TRIM59: variants seen among roughly 807,000 people sequenced by gnomAD.
The protein encoded by TRIM59 is tripartite motif-containing protein 59.
A neutral mutation model predicts 32.2 loss-of-function variants in TRIM59; 14 were observed. The ratio of observed to expected loss-of-function variants is 0.43; its 90% CI spans 0.29 to 0.68. The LOEUF (loss-of-function observed/expected upper bound fraction) is 0.68, where lower values mean the gene tolerates loss of function less well. Among genes scored for constraint, TRIM59 ranks in the 30% least tolerant of loss-of-function variants. The probability of loss-of-function intolerance (pLI) is 0.15; values close to 1 mark genes in which losing one functional copy is unlikely to be tolerated. For synonymous variants in TRIM59, 163 were observed against 155.1 expected (o/e 1.05, Z -0.38); for missense variants, 471 against 463.3 (o/e 1.02, Z -0.15).
At position 160,449,612 on chromosome 3, in the gene TRIM59, C is replaced by T. The variant is rs1212997414; in HGVS notation, c.-74+105G>A. ...AGCCACTCCCTCCATCGTCGCGCCC[C>T]CAGGACTCCCCGCCCAACACACTAG... is the stretch of plus-strand genomic sequence containing the variant. On this transcript the variant is annotated intron_variant, in intron 1 of 2. Coordinates refer to ENST00000309784, the MANE Select transcript of TRIM59 (RefSeq NM_173084.3). 3 of 1,289,692 alleles carry T rather than the reference C, an allele frequency of 2.3e-6. No homozygotes were observed. The East Asian group carries it at 1.7e-4, about 72-fold the overall frequency. 79.9% of individuals were successfully genotyped at this position (1,289,692 alleles called of 1,614,324 possible).
At chr3:160,443,978 TGAAACATA>T (rs1460089143) in intron 2 of TRIM59, among the ~76,000 whole-genome samples, 1 of 151,998 alleles carries the variant, frequency 6.6e-6, no homozygotes, top group Non-Finnish European at 1.5e-5. Context: ...TTCATGTATA[TGAAACATA>T]TTGAGAGGTA....
At position 160,438,701 on chromosome 3, in the gene TRIM59, G is replaced by T. The variant is rs1464620643; in HGVS notation, c.483C>A (p.Thr161=). 6.2e-7 allele frequency: 1 copy of T among 1,613,740 alleles called. No homozygotes were observed. The highest frequency in any genetic ancestry group is 8.5e-7 in the Non-Finnish European group (1 of 1,179,934). Reference sequence around the variant, plus strand: ...GTTCTTTCAGCTTTTCAATAAGATGGGTAAGATCTGTCCAGTGTGTGTCAG... The same window carrying T: ...GTTCTTTCAGCTTTTCAATAAGATGTGTAAGATCTGTCCAGTGTGTGTCAG... ...QLTDTHWTDL[T]HLIEKLKEQK... Residue 161 remains threonine (T), a synonymous_variant, in exon 3 of 3, where the codon ACC becomes ACA. Transcript: ENST00000309784.
rs144500230 is a variant in TRIM59 at position 160,439,033 on chromosome 3, G to A, written c.151C>T (p.Arg51Ter). ...SGNFYIWRPL[R>*]IPLKCPNCRS... Reference sequence around the variant, plus strand: ...CAATTAGGGCACTTGAGTGGAATTCGTAAAGGTCTCCATATATAAAAGTTA... The same window carrying A: ...CAATTAGGGCACTTGAGTGGAATTCATAAAGGTCTCCATATATAAAAGTTA... Residue 51 changes from arginine (R) to a stop codon, truncating the protein, a stop_gained, in exon 3 of 3, where the codon CGA becomes TGA. Transcript: ENST00000309784. LOFTEE classifies it high-confidence loss of function. 35 of 1,607,042 alleles carry A rather than the reference G, an allele frequency of 2.2e-5. No homozygotes were observed. In the African/African-American group the frequency reaches 2.3e-4, roughly 10 times the overall value.
Position 160,437,243 on chromosome 3 carries a change from G to T in TRIM59, c.*729C>A. On this transcript the variant is annotated 3_prime_UTR_variant, in exon 3 of 3. Transcript: ENST00000309784. ...TGGGGGTGTGTGCCTTGTCCCAGCT[G>T]CTCCAGAGGCAGAGGCGGGAGGATC... The T allele has an allele frequency of 1.7e-6, 1 of 585,066 alleles. No individual in the cohort carries two copies. Among genetic ancestry groups the T allele is most frequent in the Non-Finnish European group, 2.2e-6 (1 of 464,840 alleles). 36.2% of individuals were successfully genotyped at this position (585,066 alleles called of 1,614,324 possible).
At chr3:160,445,773 C>CAAA (rs75175042) in intron 2 of TRIM59, among the ~76,000 whole-genome samples, 4 of 90,894 alleles carry the variant, frequency 4.4e-5, no homozygotes, top group African/African-American at 8.4e-5. Flanking sequence ...GACTCTGTCT[C>CAAA]AAAAAAAAAA....
intron 2 of TRIM59, chr3:160,447,927 A>AT (rs1326053004): frequency 6.6e-6 from 1 of 152,186 alleles, no homozygotes; most frequent in African/African-American, 2.4e-5. Context: ...CATATATAAG[A>AT]TTTTTTTAAC....
intron 2 of TRIM59, among the ~76,000 whole-genome samples, chr3:160,441,084 T>A (rs944062018): frequency 1.3e-5 from 2 of 152,248 alleles, no homozygotes; most frequent in African/African-American, 4.8e-5. Context: ...GTCAAACTCT[T>A]AACTCTTCCT....
At chr3:160,441,864 AG>A (rs1719271834) in intron 2 of TRIM59, among the ~76,000 whole-genome samples, 1 of 152,220 alleles carries the variant, frequency 6.6e-6, no homozygotes, top group Non-Finnish European at 1.5e-5. Flanking sequence ...CTTGAACTGT[AG>A]AGCATTCCAG....
rs940858311 is a variant in TRIM59, at chr3:160,437,826, C to G, written c.*146G>C. 2.3e-6 allele frequency: 3 copies of G among 1,280,612 alleles called. No individual in the cohort carries two copies. Among genetic ancestry groups the G allele is most frequent in the Non-Finnish European group, 3.0e-6 (3 of 1,016,004 alleles). 79.3% of individuals were successfully genotyped at this position (1,280,612 alleles called of 1,614,324 possible). A position where few individuals can be genotyped will look rare whatever the true frequency, so the allele number is the denominator to read the frequency against. On this transcript the variant is annotated 3_prime_UTR_variant, in exon 3 of 3. Transcript: ENST00000309784. ...CAGATATAACTTTGACATATCATTG[C>G]TAACCAAAAGAAGCAACAAATATAA...
chr3:160,441,444 G>A (rs944015469), intron 2 of TRIM59, among the ~76,000 whole-genome samples: 6 of 151,926 alleles, frequency 3.9e-5, no homozygotes, highest in African/African-American at 9.7e-5. Context: ...GGTGTAAAAC[G>A]AAAATCTATC....
rs763862654 is a variant in TRIM59, at chr3:160,437,793, G to C, written c.*179C>G. On this transcript the variant is annotated 3_prime_UTR_variant, in exon 3 of 3. Transcript: ENST00000309784. ...ACTAGATTCTGTTTCCCAAAGATTT[G>C]ACTATTTCAGATATAACTTTGACAT... 1.1e-4 allele frequency: 138 copies of C among 1,249,014 alleles called. No homozygotes were observed. Among genetic ancestry groups the C allele is most frequent in the Non-Finnish European group, 1.2e-4 (121 of 998,436 alleles). The allele number at this position is 1,249,014 out of a possible 1,614,324, so 77.4% of individuals were successfully genotyped here. A position where few individuals can be genotyped will look rare whatever the true frequency, so the allele number is the denominator to read the frequency against.
In TRIM59 at chr3:160,437,197, A is replaced by AT. The variant is rs994958460; in HGVS notation, c.*774dup. ...CAAAACCTCGTTTCTACAAAAAACA[A>AT]TTTTTTTAATTAGCCAGGCATGGGG... On this transcript the variant is annotated 3_prime_UTR_variant, in exon 3 of 3. Transcript: ENST00000309784. 9.9e-6 allele frequency: 6 copies of AT among 609,030 alleles called. No individual in the cohort carries two copies. The highest frequency in any genetic ancestry group is 7.3e-5 in the South Asian group (1 of 13,696). The allele number at this position is 609,030 out of a possible 1,614,324, so 37.7% of individuals were successfully genotyped here.
At chr3:160,448,637 A>G in intron 2 of TRIM59, 89 bp downstream of exon 2, 1 of 750,152 alleles carries the variant, frequency 1.3e-6, no homozygotes, top group South Asian at 1.5e-5. Flanking sequence ...TTTTCAAAAG[A>G]CTTCTAAATT....
chr3:160,449,575 G>C, intron 1 of TRIM59, 142 bp downstream of exon 1: 1 of 1,288,760 alleles, frequency 7.8e-7, no homozygotes, highest in Non-Finnish European at 1.0e-6. Flanking sequence ...GAGGGAATGA[G>C]TGCAGGTCCC....
intron 2 of TRIM59, among the ~76,000 whole-genome samples, chr3:160,446,301 T>G (rs1719526513): frequency 6.6e-6 from 1 of 152,154 alleles, no homozygotes; most frequent in Non-Finnish European, 1.5e-5. Context: ...GAAGACAGTA[T>G]AACATGATTC....
Position 160,437,181 on chromosome 3 carries a change from G to A in TRIM59, c.*791C>T, listed in dbSNP as rs1005123488. On this transcript the variant is annotated 3_prime_UTR_variant, in exon 3 of 3. Coordinates refer to ENST00000309784, the MANE Select transcript of TRIM59 (RefSeq NM_173084.3). ...AACCTGGGCAATATGGCAAAACCTC[G>A]TTTCTACAAAAAACAATTTTTTTAA... The A allele has an allele frequency of 1.0e-5, 7 of 691,228 alleles. No individual in the cohort carries two copies. In the Admixed American group the frequency reaches 1.9e-4, roughly 19 times the overall value. The allele number at this position is 691,228 out of a possible 1,614,324, so 42.8% of individuals were successfully genotyped here. A position where few individuals can be genotyped will look rare whatever the true frequency, so the allele number is the denominator to read the frequency against.
chr3:160,445,434 A>G (rs969560931), intron 2 of TRIM59, among the ~76,000 whole-genome samples: 4 of 152,152 alleles, frequency 2.6e-5, no homozygotes, highest in East Asian at 1.9e-4. Flanking sequence ...AAAAATAAAA[A>G]AAGAATAAAG....
intron 2 of TRIM59, among the ~76,000 whole-genome samples, chr3:160,445,624 A>C (rs1347533157): frequency 6.6e-6 from 1 of 151,252 alleles, no homozygotes; most frequent in Admixed American, 6.6e-5. Flanking sequence ...AAATACAAAA[A>C]TTAGCTGGGC....
In TRIM59 at chr3:160,435,869, CA is replaced by C. The variant is rs1281734007; in HGVS notation, c.*2102del. 1 of 1,041,274 alleles carries C rather than the reference CA, an allele frequency of 9.6e-7. No individual in the cohort carries two copies. Among genetic ancestry groups the C allele is most frequent in the Non-Finnish European group, 1.3e-6 (1 of 762,818 alleles). 64.5% of individuals were successfully genotyped at this position (1,041,274 alleles called of 1,614,324 possible). A position where few individuals can be genotyped will look rare whatever the true frequency, so the allele number is the denominator to read the frequency against. On this transcript the variant is annotated 3_prime_UTR_variant, in exon 3 of 3. Transcript: ENST00000309784. ...TTTCTCACAGCTATATGGCCTTGGA[CA>C]AGTCACTTGTCAGTTCCCTCATCTA...
Sources: allele counts gnomAD v4.1 joint callset (sites outside exome capture counted in the v4.1 genomes callset), GRCh38; gene constraint gnomAD v4.1.1; transcripts MANE v1.5; gene names NCBI Gene and HGNC (gene_info 2026-07-23, HGNC 2026-07-21).